The following LRRC20 variants were observed in gnomAD, a reference collection of about 807,000 sequenced individuals.
LRRC20 encodes the protein leucine rich repeat containing 20, also known as leucine-rich repeat-containing protein 20.
A neutral mutation model predicts 14.4 loss-of-function variants in LRRC20; 11 were observed. The ratio of observed to expected loss-of-function variants is 0.77; its 90% confidence interval spans 0.48 to 1.27. The LOEUF is 1.27. Ranked by LOEUF, LRRC20 falls within the 50% of genes most tolerant of loss-of-function variation. The pLI is 0.00. For synonymous variants in LRRC20, 121 were observed against 107.3 expected (o/e 1.13, Z -0.79); for missense variants, 219 against 251.2 (o/e 0.87, Z 0.87).
At chr10:70,317,727 C>A (rs1298162303) in intron 4 of LRRC20, among the ~76,000 whole-genome samples, 1 of 152,156 alleles carries the variant, frequency 6.6e-6, no homozygotes, top group Non-Finnish European at 1.5e-5. Flanking sequence ...GCAGTCAGTC[C>A]CAGGGGACAC....
Position 70,325,343 on chromosome 10 carries a change from T to A in LRRC20, c.233-1313A>T, listed in dbSNP as rs1404384158. ...CACATGATCCGATCTCCTACTGCCT[T>A]CCCAGGATAGCGGCCTGCTCTCCCG... On this transcript the variant is annotated intron_variant, in intron 3 of 4. Transcript: ENST00000446961. Among the ~76,000 whole-genome samples the A allele has an allele frequency of 3.3e-5, 5 of 152,318 alleles. No homozygotes were observed. The East Asian group carries it at 9.6e-4, about 29-fold the overall frequency.
chr10:70,308,046 C>T (rs934735891), intron 4 of LRRC20, among the ~76,000 whole-genome samples: 25 of 152,142 alleles, frequency 1.6e-4, no homozygotes, highest in African/African-American at 4.1e-4. Flanking sequence ...ACCCAGATGT[C>T]GGCTCACATA....
At chr10:70,303,594 T>C (rs1841296152) in intron 4 of LRRC20, among the ~76,000 whole-genome samples, 1 of 152,232 alleles carries the variant, frequency 6.6e-6, no homozygotes, top group Non-Finnish European at 1.5e-5. Context: ...CATAAGATAC[T>C]AGGGCATTTT....
In LRRC20 at chr10:70,326,658, G is replaced by A. The variant is rs140986745; in HGVS notation, c.233-2628C>T. ...ATAGCCACACCTTAAACCACAGAAC[G>A]CTGCTATCCAGATCACCATTATAAG... On this transcript the variant is annotated intron_variant, in intron 3 of 4. Coordinates refer to ENST00000446961, the MANE Select transcript of LRRC20 (RefSeq NM_001278212.2). 3.0e-4 allele frequency among the ~76,000 whole-genome samples: 45 copies of A among 152,190 alleles called. No homozygotes were observed. In the East Asian group the frequency reaches 7.2e-3, roughly 24 times the overall value.
At chr10:70,305,793 T>G (rs1841397415) in intron 4 of LRRC20, among the ~76,000 whole-genome samples, 2 of 150,314 alleles carry the variant, frequency 1.3e-5, no homozygotes, top group South Asian at 4.2e-4. Flanking sequence ...CAGGCTGGAG[T>G]GCAGTGGCGT....
rs191944439 is a variant in LRRC20, at chr10:70,376,366, G to A, written c.82+86C>T. On this transcript the variant is annotated intron_variant, in intron 2 of 4. Transcript: ENST00000446961. Reference sequence around the variant, plus strand: ...TCTCAGGATGAGGTTGCACACTGACGCTTGTGTCTTTCATCTCTGTTTCAT... The same window carrying A: ...TCTCAGGATGAGGTTGCACACTGACACTTGTGTCTTTCATCTCTGTTTCAT... The A allele has an allele frequency of 3.1e-3, 4,219 of 1,352,000 alleles. 18 individuals carry two copies. Among genetic ancestry groups the A allele is most frequent in the South Asian group, 3.6e-3 (301 of 83,262 alleles). 83.8% of individuals were successfully genotyped at this position (1,352,000 alleles called of 1,614,324 possible).
chr10:70,367,084 G>C (rs1844028433), intron 2 of LRRC20, among the ~76,000 whole-genome samples: 2 of 152,048 alleles, frequency 1.3e-5, no homozygotes, highest in Admixed American at 6.6e-5. Flanking sequence ...CAGCACTTTG[G>C]GAGGCTGAGG....
chr10:70,339,284 G>A (rs1842825532), intron 3 of LRRC20, among the ~76,000 whole-genome samples: 3 of 152,190 alleles, frequency 2.0e-5, no homozygotes, highest in Non-Finnish European at 1.5e-5. Flanking sequence ...AATGCTGGTC[G>A]TCTTTGTACC....
rs1303833147 is a variant in LRRC20 at position 70,299,233 on chromosome 10, T to C, written c.*2121A>G. The C allele has an allele frequency of 6.6e-6, 1 of 152,274 alleles. No individual in the cohort carries two copies. The highest frequency in any genetic ancestry group is 1.5e-5 in the Non-Finnish European group (1 of 68,114). The allele number at this position is 152,274 out of a possible 1,614,324, so 9.4% of individuals were successfully genotyped here. A position where few individuals can be genotyped will look rare whatever the true frequency, so the allele number is the denominator to read the frequency against. On this transcript the variant is annotated 3_prime_UTR_variant, in exon 5 of 5. Coordinates refer to ENST00000446961, the MANE Select transcript of LRRC20 (RefSeq NM_001278212.2). ...CTGGGCACACCTAACCCTCATCTCC[T>C]GGTGACTGCAGGTCACACTCCCTTC...
chr10:70,300,496 G>A lies in LRRC20; in HGVS notation c.*858C>T. ...GCCATGACAAGGCAGCCAGGCTGCT[G>A]CTGGACTGGACAGTGGTGAGGGTGG... On this transcript the variant is annotated 3_prime_UTR_variant, in exon 5 of 5. Coordinates refer to ENST00000446961, the MANE Select transcript of LRRC20 (RefSeq NM_001278212.2). 2 of 985,580 alleles carry A rather than the reference G, an allele frequency of 2.0e-6. No homozygotes were observed. Among genetic ancestry groups the A allele is most frequent in the Non-Finnish European group, 2.4e-6 (2 of 830,030 alleles). The allele number at this position is 985,580 out of a possible 1,614,324, so 61.1% of individuals were successfully genotyped here.
chr10:70,341,623 C>A, intron 2 of LRRC20, among the ~76,000 whole-genome samples: 1 of 151,950 alleles, frequency 6.6e-6, no homozygotes, highest in South Asian at 2.1e-4. Context: ...AAAAAATTAG[C>A]CGGGCATGGT....
At chr10:70,377,865 T>C (rs1037210735) in intron 1 of LRRC20, among the ~76,000 whole-genome samples, 2 of 152,226 alleles carry the variant, frequency 1.3e-5, no homozygotes, top group African/African-American at 4.8e-5. Flanking sequence ...CACTAAAGGT[T>C]TGAGACACAC....
intron 2 of LRRC20, among the ~76,000 whole-genome samples, chr10:70,359,928 T>C (rs1843662200): frequency 6.6e-6 from 1 of 151,550 alleles, no homozygotes. Context: ...TCTTTTTTTT[T>C]TTTTTTGAGG....
intron 2 of LRRC20, among the ~76,000 whole-genome samples, 168 bp from the exon 3 acceptor site, chr10:70,340,870 C>T (rs1842890652): frequency 6.6e-6 from 1 of 152,124 alleles, no homozygotes; most frequent in Non-Finnish European, 1.5e-5. Context: ...TCCAGGAGCC[C>T]TCCTCATAGG....
In LRRC20 at chr10:70,376,565, G is replaced by A. The variant is rs1243855149; in HGVS notation, c.-32C>T. 1 of 1,605,872 alleles carries A rather than the reference G, an allele frequency of 6.2e-7. No homozygotes were observed. The highest frequency in any genetic ancestry group is 8.5e-7 in the Non-Finnish European group (1 of 1,175,730). On this transcript the variant is annotated 5_prime_UTR_variant, in exon 2 of 5. Transcript: ENST00000446961. ...ACAGGTGTCCTGCCGCCAGCCCCCA[G>A]GCTGGTCTGCTTCTCACAAAAGGGC...
At chr10:70,376,669 CCTT>C in intron 1 of LRRC20, 73 bp from the exon 2 acceptor site, 1 of 774,278 alleles carries the variant, frequency 1.3e-6, no homozygotes, top group South Asian at 1.6e-5. Flanking sequence ...CCTCCAGCAT[CCTT>C]CTCCCCCAGG....
intron 2 of LRRC20, among the ~76,000 whole-genome samples, chr10:70,361,723 C>G (rs1843728710): frequency 6.6e-6 from 1 of 152,128 alleles, no homozygotes; most frequent in African/African-American, 2.4e-5. Flanking sequence ...CCTCACCCTC[C>G]CATCCCATCC....
At chr10:70,330,827 C>G (rs1421241831) in intron 3 of LRRC20, among the ~76,000 whole-genome samples, 2 of 152,206 alleles carry the variant, frequency 1.3e-5, no homozygotes, top group African/African-American at 4.8e-5. Flanking sequence ...GCCTGCGTCA[C>G]AAGCTCCACA....
rs768593551 is a variant in LRRC20, at chr10:70,301,513, T to C, written c.401-5A>G. The C allele has an allele frequency of 3.1e-6, 5 of 1,613,606 alleles. No homozygotes were observed. In the South Asian group the frequency reaches 3.3e-5, roughly 11 times the overall value. ...CCAGCTTCTCCACGGGCACATCTAT[T>C]GGGGACAGAATGGACAGGTTAGAGT... On this transcript the variant is annotated splice_polypyrimidine_tract_variant and splice_region_variant and intron_variant, in intron 4 of 4. Coordinates refer to ENST00000446961, the MANE Select transcript of LRRC20 (RefSeq NM_001278212.2).
Sources: gnomAD v4.1 joint callset for allele counts (sites outside exome capture counted in the v4.1 genomes callset) on GRCh38, gnomAD v4.1.1 for gene constraint, MANE v1.5 for transcripts, NCBI Gene and HGNC (gene_info 2026-07-23, HGNC 2026-07-21) for gene names.